SEM1: variants seen among roughly 807,000 people sequenced by gnomAD.
SEM1 encodes SEM1 26S proteasome subunit.
Under a neutral mutation model 12.7 loss-of-function variants are expected in SEM1, and 3 were observed. The observed-to-expected ratio is 0.24, with a 90% CI of 0.11 to 0.61. The LOEUF is 0.61. SEM1 is among the 20% of genes least tolerant of loss of function. The pLI, the probability that SEM1 is intolerant of heterozygous loss-of-function variation, is 0.88. For missense variants in SEM1, 59 were observed against 81.3 expected, an observed-to-expected ratio of 0.73 and a Z score of 1.06; for synonymous variants, 30 against 27.8, an observed-to-expected ratio of 1.08 and a Z score of -0.25.
At chr7:96,604,979 G>A (rs1006593843) in intron 2 of SEM1, among the ~76,000 whole-genome samples, 2 of 151,922 alleles carry the variant, frequency 1.3e-5, no homozygotes, top group Non-Finnish European at 2.9e-5. Context: ...AGAATAGCTA[G>A]AATCAAATCC....
intron 1 of SEM1, chr7:96,708,182 T>A (rs1790528791): frequency 6.6e-6 from 1 of 152,240 alleles, no homozygotes; most frequent in African/African-American, 2.4e-5. Flanking sequence ...CACAGCTCTA[T>A]GTTGGCGGAT....
downstream of SEM1, among the ~76,000 whole-genome samples, chr7:96,618,501 C>G (rs538933502): frequency 2.0e-5 from 3 of 152,212 alleles, no homozygotes; most frequent in African/African-American, 7.2e-5. Context: ...TCCCTTTTCC[C>G]CTTCAGGAGA....
chr7:96,549,275 C>T (rs1360317307), intron 2 of SEM1, among the ~76,000 whole-genome samples: 2 of 152,164 alleles, frequency 1.3e-5, no homozygotes, highest in African/African-American at 4.8e-5. Flanking sequence ...GCCCCTCAGT[C>T]CCCGGCAAAC....
intron 2 of SEM1, among the ~76,000 whole-genome samples, chr7:96,562,333 C>T (rs1321461029): frequency 6.6e-6 from 1 of 152,116 alleles, no homozygotes; most frequent in Non-Finnish European, 1.5e-5. Context: ...TTTGTTAATT[C>T]ATTAATATTT....
intron 2 of SEM1, among the ~76,000 whole-genome samples, chr7:96,527,141 G>A (rs1016284725): frequency 1.3e-5 from 2 of 151,984 alleles, no homozygotes; most frequent in African/African-American, 4.8e-5. Context: ...ATACCTTGAA[G>A]GGGAAGAGAG....
intron 2 of SEM1, among the ~76,000 whole-genome samples, chr7:96,557,145 C>T (rs530433302): frequency 3.9e-4 from 59 of 150,942 alleles, no homozygotes; most frequent in African/African-American, 1.3e-3. Flanking sequence ...AACGTCCTCC[C>T]GTAGCTCAGA....
chr7:96,671,409 G>T (rs561644028), downstream of SEM1, among the ~76,000 whole-genome samples: 5 of 152,120 alleles, frequency 3.3e-5, no homozygotes, highest in South Asian at 8.3e-4. Context: ...CATTTATGAA[G>T]AACTTTACTA....
chr7:96,662,590 G>T (rs1472276209), intron 2 of SEM1, among the ~76,000 whole-genome samples: 1 of 152,182 alleles, frequency 6.6e-6, no homozygotes, highest in African/African-American at 2.4e-5. Context: ...AAACCTAGAT[G>T]ACGGGTTGAT....
chr7:96,578,500 C>T (rs1197014172), intron 2 of SEM1, among the ~76,000 whole-genome samples: 1 of 151,964 alleles, frequency 6.6e-6, no homozygotes, highest in Non-Finnish European at 1.5e-5. Context: ...AAACATCTTC[C>T]AATGTGAAAT....
At chr7:96,497,421 T>G (rs1803334435), upstream of SEM1, among the ~76,000 whole-genome samples, 1 of 152,012 alleles carries the variant, frequency 6.6e-6, no homozygotes, top group Admixed American at 6.6e-5. Context: ...TTTTCAGAAG[T>G]GGAAAAACAA....
rs545453251 is a variant in SEM1 at position 96,534,237 on chromosome 7, A to G, written c.171-27539T>C. Among the ~76,000 whole-genome samples, 252 of 152,206 alleles carry G rather than the reference A, an allele frequency of 1.7e-3. 1 individual carries two copies. The highest frequency in any genetic ancestry group is 3.3e-3 in the Admixed American group (50 of 15,264). On this transcript the variant is annotated intron_variant and NMD_transcript_variant, in intron 2 of 3. Transcript: ENST00000466986. ...AGAGTATTTGTTGCCAACAAAAAAA[A>G]GTTCAGCTTTGAAACAAAATTTAGA...
At chr7:96,495,385 T>C (rs1803200682) in intron 1 of SEM1, among the ~76,000 whole-genome samples, 1 of 152,200 alleles carries the variant, frequency 6.6e-6, no homozygotes, top group Non-Finnish European at 1.5e-5. Flanking sequence ...GCCTTTACTT[T>C]AAACTGATAC....
Position 96,658,345 on chromosome 7 carries a change from T to C in SEM1, c.171-35702A>G, listed in dbSNP as rs184898460. 2.6e-5 allele frequency among the ~76,000 whole-genome samples: 4 copies of C among 152,300 alleles called. No homozygotes were observed. In the East Asian group the frequency reaches 7.7e-4, roughly 29 times the overall value. ...TCTGTGTTTGATCTATGCACTCACT[T>C]GGAAGATCAGAAATGCTTGGAAAAT... On this transcript the variant is annotated intron_variant, in intron 2 of 2. Coordinates refer to the SEM1 transcript ENST00000417009.
chr7:96,562,365 A>C (rs1389330941), intron 2 of SEM1, among the ~76,000 whole-genome samples: 1 of 152,198 alleles, frequency 6.6e-6, no homozygotes, highest in African/African-American at 2.4e-5. Flanking sequence ...AATATAAAAT[A>C]CTATTCTATG....
chr7:96,590,360 T>G (rs1806790961), intron 2 of SEM1, among the ~76,000 whole-genome samples: 1 of 152,222 alleles, frequency 6.6e-6, no homozygotes, highest in African/African-American at 2.4e-5. Context: ...CATGTTGTAT[T>G]TTTATTTGCT....
chr7:96,676,302 T>C (rs1789447609), intron 2 of SEM1, among the ~76,000 whole-genome samples: 1 of 152,194 alleles, frequency 6.6e-6, no homozygotes, highest in African/African-American at 2.4e-5. Context: ...TTCTGCTGCC[T>C]TTCTCTCTAC....
At chr7:96,520,835 C>A (rs945482646) in intron 2 of SEM1, among the ~76,000 whole-genome samples, 6 of 152,088 alleles carry the variant, frequency 3.9e-5, no homozygotes, top group African/African-American at 1.4e-4. Flanking sequence ...CCCAGGCTCT[C>A]CCCTTCTGGG....
At chr7:96,606,330 A>T (rs899608508) in intron 2 of SEM1, among the ~76,000 whole-genome samples, 5 of 152,224 alleles carry the variant, frequency 3.3e-5, no homozygotes, top group Non-Finnish European at 5.9e-5. Context: ...AGGGCAAAAA[A>T]TATGGATAGT....
intron 2 of SEM1, among the ~76,000 whole-genome samples, chr7:96,607,267 CATGATAGGCAGTTTT>C (rs1398190963): frequency 6.6e-6 from 1 of 152,148 alleles, no homozygotes; most frequent in Non-Finnish European, 1.5e-5. Flanking sequence ...ATGTTGCTAT[CATGATAGGCAGTTTT>C]GTCTTCACTT....
Sources: gnomAD v4.1 joint callset for allele counts (sites outside exome capture counted in the v4.1 genomes callset) on GRCh38, gnomAD v4.1.1 for gene constraint, MANE v1.5 for transcripts, NCBI Gene and HGNC (gene_info 2026-07-23, HGNC 2026-07-21) for gene names.